Variants in DNAH6 observed in about 807,000 individuals in gnomAD.
DNAH6 encodes the protein dynein axonemal heavy chain 6, also known as axonemal beta dynein heavy chain 6.
A neutral mutation model predicts 491.4 loss-of-function variants in DNAH6; 340 were observed. That is an observed-to-expected ratio of 0.69 (90% confidence interval 0.63 to 0.76). The LOEUF (loss-of-function observed/expected upper bound fraction) is 0.76. DNAH6 is among the 30% of genes least tolerant of loss of function. DNAH6 has a pLI of 0.00. For synonymous variants in DNAH6, 1,603 were observed against 1,686.1 expected, an observed-to-expected ratio of 0.95 and a Z score of 1.21; for missense variants, 4,443 against 4,972.2, an observed-to-expected ratio of 0.89 and a Z score of 3.20.
rs771407066 is a variant in DNAH6, at chr2:84,704,160, G to A, written c.8323G>A (p.Glu2775Lys). 107 of 1,551,764 alleles carry A rather than the reference G, an allele frequency of 6.9e-5. No individual in the cohort carries two copies. Among genetic ancestry groups the A allele is most frequent in the South Asian group, 4.2e-4 (35 of 84,058 alleles). The stretch of plus-strand genomic sequence containing the variant: ...TGATGATGCTCAAAGAGATCTTGAC[G>A]AGGCACTACCTGCACTAGATGCTGC... ...IADDAQRDLD[E>K]ALPALDAANK... The change falls in exon 51 of 77, where the codon GAG (glutamate) becomes AAG (lysine). Residue 2775 changes from glutamate to lysine, a missense_variant. Glu to Lys is a moderately conservative substitution (Grantham distance 56). This residue lies in a region of DNAH6 where 1,463 missense variants were observed against 1,656.6 expected (regional missense o/e 0.88). Coordinates refer to ENST00000389394, the MANE Select transcript of DNAH6 (RefSeq NM_001370.2).
chr2:84,477,552 A>G, the DNAH6 span, among the ~76,000 whole-genome samples: 1 of 152,200 alleles, frequency 6.6e-6, no homozygotes, highest in Admixed American at 6.5e-5. Context: ...ATGGGGGGAT[A>G]GCACCTAAGC....
intron 18 of DNAH6, among the ~76,000 whole-genome samples, chr2:84,597,023 G>A (rs143818057): frequency 2.0e-3 from 298 of 152,160 alleles, no homozygotes; most frequent in Middle Eastern, 0.014. Flanking sequence ...CAATACAATA[G>A]TACCATACAG....
intron 40 of DNAH6, among the ~76,000 whole-genome samples, chr2:84,673,269 C>A (rs537204322): frequency 1.2e-5 from 1 of 84,850 alleles, no homozygotes; most frequent in Non-Finnish European, 3.2e-5. Flanking sequence ...GTGCCGTGGG[C>A]CCATGAGGAG....
intron 61 of DNAH6, among the ~76,000 whole-genome samples, chr2:84,730,323 C>T (rs868615082): frequency 1.4e-4 from 21 of 152,218 alleles, no homozygotes; most frequent in African/African-American, 4.6e-4. Context: ...CACAAAGCCT[C>T]AAGCATCTGC....
intron 8 of DNAH6, among the ~76,000 whole-genome samples, chr2:84,548,969 A>G (rs1322790713): frequency 6.6e-6 from 1 of 152,192 alleles, no homozygotes; most frequent in Non-Finnish European, 1.5e-5. Context: ...CAGAAGAACT[A>G]TAGGCAGCTG....
chr2:84,758,525 C>A (rs1184493847), intron 63 of DNAH6, among the ~76,000 whole-genome samples: 1 of 151,988 alleles, frequency 6.6e-6, no homozygotes, highest in Non-Finnish European at 1.5e-5. Flanking sequence ...AAATCCCCAA[C>A]AAAATGCTAG....
intron 1 of DNAH6, among the ~76,000 whole-genome samples, chr2:84,517,198 C>T (rs778420121): frequency 7.9e-5 from 12 of 152,092 alleles, no homozygotes; most frequent in Non-Finnish European, 1.5e-4. Flanking sequence ...TGAAAGTGTG[C>T]GTGGTGGTGC....
At chr2:84,527,748 T>C (rs550902618) in intron 3 of DNAH6, among the ~76,000 whole-genome samples, 67 of 152,326 alleles carry the variant, frequency 4.4e-4, no homozygotes, top group African/African-American at 1.5e-3. Flanking sequence ...GTCAAACTGC[T>C]ATTGGACAAA....
In DNAH6 at chr2:84,808,519, A is replaced by G; in HGVS notation, c.11716A>G (p.Asn3906Asp). ...TCTTGGACAGGAAGTGGACCGGTTT[A>G]ACAACCTGCTGAAGTTAATTCATGT... The part of the protein sequence containing the change: ...TVLGQEVDRF[N>D]NLLKLIHTSL... Residue 3906 changes from asparagine to aspartate, a missense_variant, in exon 72 of 77, where the codon AAC becomes GAC. Physicochemically the swap from Asn to Asp is conservative, Grantham distance 23. Around this residue, in one of 3 missense-constraint regions of DNAH6, gnomAD observed 1,463 missense variants for 1,656.6 expected, o/e 0.88. Transcript: ENST00000389394. 1.3e-6 allele frequency: 2 copies of G among 1,551,824 alleles called. No individual in the cohort carries two copies. The highest frequency in any genetic ancestry group is 1.7e-6 in the Non-Finnish European group (2 of 1,147,000).
At chr2:84,768,736 T>C (rs1188274415) in intron 64 of DNAH6, among the ~76,000 whole-genome samples, 2 of 152,182 alleles carry the variant, frequency 1.3e-5, no homozygotes, top group Non-Finnish European at 2.9e-5. Context: ...GACTCAATAT[T>C]GTAAAGATAT....
chr2:84,698,236 C>T (rs1190670425), intron 47 of DNAH6, among the ~76,000 whole-genome samples: 1 of 152,138 alleles, frequency 6.6e-6, no homozygotes, highest in South Asian at 2.1e-4. Flanking sequence ...TGTTTTTGCA[C>T]CTTCTTTAAG....
At chr2:84,514,857 T>G (rs1675479747), upstream of DNAH6, among the ~76,000 whole-genome samples, 1 of 61,080 alleles carries the variant, frequency 1.6e-5, no homozygotes, top group African/African-American at 7.0e-5. Flanking sequence ...CCACCCCCAC[T>G]TCACCACAGT....
intron 4 of DNAH6, among the ~76,000 whole-genome samples, chr2:84,533,203 G>A (rs866513613): frequency 2.0e-5 from 3 of 152,148 alleles, no homozygotes; most frequent in Non-Finnish European, 4.4e-5. Context: ...CTCATTTTTT[G>A]ACTTAGCATT....
At chr2:84,526,524 T>A (rs1193803111) in intron 3 of DNAH6, among the ~76,000 whole-genome samples, 2 of 152,030 alleles carry the variant, frequency 1.3e-5, no homozygotes, top group Non-Finnish European at 2.9e-5. Flanking sequence ...AAAAACTAAA[T>A]AAAAGGGACT....
intron 46 of DNAH6, among the ~76,000 whole-genome samples, chr2:84,695,269 A>G (rs555494040): frequency 1.3e-5 from 2 of 152,160 alleles, no homozygotes; most frequent in Non-Finnish European, 2.9e-5. Flanking sequence ...GAAATTTTCA[A>G]CCTCACCATT....
chr2:84,474,290 G>C, the DNAH6 span, among the ~76,000 whole-genome samples: 1 of 152,138 alleles, frequency 6.6e-6, no homozygotes, highest in Non-Finnish European at 1.5e-5. Context: ...GGAGCAAGTA[G>C]GCTCTATATG....
At chr2:84,597,578 T>C (rs1684722804) in intron 18 of DNAH6, among the ~76,000 whole-genome samples, 2 of 152,206 alleles carry the variant, frequency 1.3e-5, no homozygotes, top group Admixed American at 6.5e-5. Context: ...AATATAGACC[T>C]ACCATATTAC....
chr2:84,715,530 A>G lies in DNAH6; in HGVS notation c.9544-30A>G, dbSNP rs976366213. 1.0e-5 allele frequency: 16 copies of G among 1,548,356 alleles called. No homozygotes were observed. The African/African-American group carries it at 2.2e-4, about 21-fold the overall frequency. On this transcript the variant is annotated intron_variant, in intron 57 of 76. Coordinates refer to ENST00000389394, the MANE Select transcript of DNAH6 (RefSeq NM_001370.2). The stretch of plus-strand genomic sequence containing the variant: ...GTATTTTATTAGTTTGCACTTAAGC[A>G]TTTTTATGCACTCTGTGCTTCTCTT...
intron 2 of DNAH6, among the ~76,000 whole-genome samples, chr2:84,522,245 C>T (rs548174786): frequency 1.2e-4 from 18 of 151,854 alleles, no homozygotes; most frequent in African/African-American, 4.1e-4. Context: ...AATTGTGAAT[C>T]GGATTGGGTT....
Sources: gnomAD v4.1 joint callset for allele counts (sites outside exome capture counted in the v4.1 genomes callset) on GRCh38, gnomAD v4.1.1 for gene constraint, gnomAD v4.1.1 regional missense constraint, MANE v1.5 for transcripts, NCBI Gene and HGNC (gene_info 2026-07-23, HGNC 2026-07-21) for gene names.